SLC22A4: variants seen among roughly 807,000 people sequenced by gnomAD.
The protein encoded by SLC22A4 is ET transporter.
A neutral mutation model predicts 56.6 loss-of-function variants in SLC22A4; 39 were observed. The ratio of observed to expected loss-of-function variants is 0.69; its 90% CI spans 0.53 to 0.90. The LOEUF is 0.90. Among genes scored for constraint, SLC22A4 ranks in the 40% least tolerant of loss-of-function variants. SLC22A4 has a pLI of 0.00. For synonymous variants in SLC22A4, 241 were observed against 281.4 expected (o/e 0.86, Z 1.44); for missense variants, 594 against 696.5 (o/e 0.85, Z 1.66).
chr5:132,298,750 C>T (rs527896399), intron 1 of SLC22A4, among the ~76,000 whole-genome samples: 69 of 152,302 alleles, frequency 4.5e-4, no homozygotes, highest in Non-Finnish European at 7.8e-4. Flanking sequence ...GAGTGTGGCA[C>T]CAGCAAATGG....
chr5:132,297,241 C>T (rs1056645027), intron 1 of SLC22A4, among the ~76,000 whole-genome samples: 16 of 152,156 alleles, frequency 1.1e-4, no homozygotes, highest in African/African-American at 3.6e-4. Context: ...TCACTTCAAC[C>T]TGGGAGGCGG....
At chr5:132,328,836 TATACACAC>T (rs1295558023) in intron 5 of SLC22A4, among the ~76,000 whole-genome samples, 190 of 139,076 alleles carry the variant, frequency 1.4e-3, no homozygotes, top group African/African-American at 4.8e-3. Flanking sequence ...TATATATATA[TATACACAC>T]ACACACACAC....
rs781099471 is a variant in SLC22A4 at position 132,294,803 on chromosome 5, C to A, written c.187C>A (p.Arg63Ser). 17 of 1,612,810 alleles carry A rather than the reference C, an allele frequency of 1.1e-5. No individual in the cohort carries two copies. The highest frequency in any genetic ancestry group is 1.4e-5 in the Non-Finnish European group (17 of 1,179,964). Residue 63 changes from arginine (R) to serine (S), a missense_variant, in exon 1 of 10, where the codon CGC becomes AGC. Arg to Ser is a moderately radical substitution (Grantham distance 110, BLOSUM62 -1). Transcript: ENST00000200652. This position sits in a 1 kb window ranked among gnomAD's most constrained non-coding sequence, Gnocchi z 5.6. ...PDAANLSSAW[R>S]NNSVPLRLRD... The stretch of plus-strand genomic sequence containing the variant: ...CGCCGCGAACCTGAGCAGCGCCTGG[C>A]GCAACAACAGTGTCCCGCTGCGGCT...
chr5:132,343,079 C>T (rs115894795), intron 9 of SLC22A4, among the ~76,000 whole-genome samples: 1,609 of 152,294 alleles, frequency 0.011, 15 homozygotes, highest in Non-Finnish European at 0.018. Flanking sequence ...TTATCACTCC[C>T]TATCACTCCA....
In SLC22A4 at chr5:132,315,326, G is replaced by C. The variant is rs115148372; in HGVS notation, c.652+1558G>C. ...ACCTGAAGGACCATCTGGAACAGAA[G>C]GGTAGAGAGTCACGGTGAAGCCAGA... On this transcript the variant is annotated intron_variant, in intron 3 of 9. Coordinates refer to ENST00000200652, the MANE Select transcript of SLC22A4 (RefSeq NM_003059.3). 8.6e-3 allele frequency among the ~76,000 whole-genome samples: 1,307 copies of C among 152,290 alleles called. 13 individuals are homozygous for C. The highest frequency in any genetic ancestry group is 0.03 in the African/African-American group (1,231 of 41,566).
At chr5:132,336,714 T>C (rs1751036058) in intron 8 of SLC22A4, among the ~76,000 whole-genome samples, 1 of 152,190 alleles carries the variant, frequency 6.6e-6, no homozygotes, top group Non-Finnish European at 1.5e-5. Flanking sequence ...AATAAGTATA[T>C]GTAAGTATAA....
At chr5:132,340,808 T>C (rs1751195481) in intron 9 of SLC22A4, 108 bp downstream of exon 9, 1 of 1,105,110 alleles carries the variant, frequency 9.0e-7, no homozygotes, top group East Asian at 2.4e-5. Context: ...AGAGACTAGC[T>C]CTATCAGATA....
At chr5:132,310,833 G>A (rs995408752) in intron 1 of SLC22A4, among the ~76,000 whole-genome samples, 4 of 152,072 alleles carry the variant, frequency 2.6e-5, no homozygotes, top group Non-Finnish European at 5.9e-5. Flanking sequence ...AGACTACTTC[G>A]GATACTGTAA....
intron 4 of SLC22A4, among the ~76,000 whole-genome samples, chr5:132,326,656 A>C (rs1349304160): frequency 6.6e-6 from 1 of 152,268 alleles, no homozygotes; most frequent in Non-Finnish European, 1.5e-5. Context: ...TAAAACAATA[A>C]GCTTTTTTAG....
intron 1 of SLC22A4, among the ~76,000 whole-genome samples, chr5:132,296,725 G>A (rs879858679): frequency 2.6e-5 from 4 of 152,228 alleles, no homozygotes; most frequent in Non-Finnish European, 4.4e-5. Flanking sequence ...CTCATCCCGC[G>A]TCGATTCCTG....
At chr5:132,307,173 T>C (rs1048679832) in intron 1 of SLC22A4, among the ~76,000 whole-genome samples, 5 of 152,228 alleles carry the variant, frequency 3.3e-5, no homozygotes, top group African/African-American at 1.2e-4. Context: ...TTTGTTTTTC[T>C]TTGTTTTGTT....
chr5:132,323,037 T>A (rs1026610955), intron 4 of SLC22A4, among the ~76,000 whole-genome samples: 2 of 152,210 alleles, frequency 1.3e-5, no homozygotes, highest in Non-Finnish European at 2.9e-5. Flanking sequence ...ATACCCTCTT[T>A]TTGGAGATTT....
In SLC22A4 at chr5:132,312,107, G is replaced by C. The variant is rs1267421251; in HGVS notation, c.394-54G>C. ...TAATATTCCCTCAGAGCTGGGCTGGGGTTGAGGTCTGCCTCAGGGTTGGGC... is the reference window on the plus strand; with the variant it reads ...TAATATTCCCTCAGAGCTGGGCTGGCGTTGAGGTCTGCCTCAGGGTTGGGC... On this transcript the variant is annotated intron_variant, in intron 1 of 9. Coordinates refer to ENST00000200652, the MANE Select transcript of SLC22A4 (RefSeq NM_003059.3). 18 of 1,044,594 alleles carry C rather than the reference G, an allele frequency of 1.7e-5. No homozygotes were observed. In the East Asian group the frequency reaches 4.2e-4, roughly 25 times the overall value. 64.7% of individuals were successfully genotyped at this position (1,044,594 alleles called of 1,614,324 possible). A position where few individuals can be genotyped will look rare whatever the true frequency, so the allele number is the denominator to read the frequency against.
At chr5:132,321,578 G>A (rs1238565556) in intron 3 of SLC22A4, among the ~76,000 whole-genome samples, 1 of 152,158 alleles carries the variant, frequency 6.6e-6, no homozygotes, top group Non-Finnish European at 1.5e-5. Context: ...TTAGCTCTTG[G>A]GGCTGGGCAT....
chr5:132,319,535 T>C (rs956203279), intron 3 of SLC22A4, among the ~76,000 whole-genome samples: 13 of 152,188 alleles, frequency 8.5e-5, no homozygotes, highest in African/African-American at 2.9e-4. Context: ...CAATTGGCTT[T>C]AACTCTGAAG....
intron 9 of SLC22A4, among the ~76,000 whole-genome samples, chr5:132,343,162 AG>A (rs1285022196): frequency 6.6e-6 from 1 of 152,238 alleles, no homozygotes; most frequent in Non-Finnish European, 1.5e-5. Context: ...ATGACACCAC[AG>A]CAAACATTTA....
intron 4 of SLC22A4, among the ~76,000 whole-genome samples, chr5:132,326,492 G>C (rs1168157196): frequency 6.6e-6 from 1 of 152,124 alleles, no homozygotes; most frequent in South Asian, 2.1e-4. Context: ...TCATAAGTTA[G>C]GGACCATCTG....
intron 3 of SLC22A4, among the ~76,000 whole-genome samples, chr5:132,316,810 T>C (rs1750371887): frequency 1.3e-5 from 2 of 152,230 alleles, no homozygotes; most frequent in African/African-American, 4.8e-5. Context: ...CATATATATA[T>C]ATTTTTTACT....
At position 132,343,970 on chromosome 5, in the gene SLC22A4, C is replaced by A; in HGVS notation, c.*135C>A. The A allele has an allele frequency of 1.6e-6, 1 of 634,784 alleles. No individual in the cohort carries two copies. Among genetic ancestry groups the A allele is most frequent in the Non-Finnish European group, 2.8e-6 (1 of 353,628 alleles). 39.3% of individuals were successfully genotyped at this position (634,784 alleles called of 1,614,324 possible). On this transcript the variant is annotated 3_prime_UTR_variant, in exon 10 of 10. Transcript: ENST00000200652. Reference sequence around the variant, plus strand: ...AACCTTGCTATCAAGAAATGCTCGTCATACAGTAAACTCTGGATGATTCTT... The same window carrying A: ...AACCTTGCTATCAAGAAATGCTCGTAATACAGTAAACTCTGGATGATTCTT...
Sources: gnomAD v4.1 joint callset for allele counts (sites outside exome capture counted in the v4.1 genomes callset) on GRCh38, gnomAD v4.1.1 for gene constraint, Gnocchi (gnomAD v3.1) non-coding constraint, MANE v1.5 for transcripts, NCBI Gene and HGNC (gene_info 2026-07-23, HGNC 2026-07-21) for gene names.